Variants in CIT observed in about 807,000 individuals in gnomAD.
CIT encodes the protein citron Rho-interacting kinase.
CIT carries 79 observed loss-of-function variants against 272.7 expected under a neutral mutation model. The observed-to-expected ratio is 0.29, with a 90% CI of 0.24 to 0.35. The LOEUF is 0.35. Ranked by LOEUF, CIT falls within the 10% of genes least tolerant of loss-of-function variation. CIT has a pLI of 1.00. For missense variants in CIT, 1,909 were observed against 2,618.3 expected (o/e 0.73, Z 5.91); for synonymous variants, 948 against 995.6 (o/e 0.95, Z 0.90).
chr12:119,754,713 T>C (rs543583083), intron 22 of CIT, among the ~76,000 whole-genome samples: 2 of 152,326 alleles, frequency 1.3e-5, no homozygotes, highest in South Asian at 4.1e-4. Context: ...CTGATCTGGT[T>C]ATATTTAGAG....
At chr12:119,739,457 G>A (rs568099492) in intron 24 of CIT, among the ~76,000 whole-genome samples, 28 of 152,104 alleles carry the variant, frequency 1.8e-4, no homozygotes, top group Non-Finnish European at 2.5e-4. Flanking sequence ...ATTTCCTAGC[G>A]GAGACAATCT....
At chr12:119,698,209 T>A in intron 44 of CIT, 155 bp from the exon 45 acceptor site, 1 of 676,362 alleles carries the variant, frequency 1.5e-6, no homozygotes, top group South Asian at 1.7e-5. Flanking sequence ...GTCATGCATG[T>A]TCGAGGATAT....
chr12:119,794,296 G>A lies in CIT; in HGVS notation c.1295+8910C>T, dbSNP rs147602670. Among the ~76,000 whole-genome samples, 531 of 152,240 alleles carry A rather than the reference G, an allele frequency of 3.5e-3. 4 individuals are homozygous for A. Among genetic ancestry groups the A allele is most frequent in the African/African-American group, 0.012 (495 of 41,520 alleles). On this transcript the variant is annotated intron_variant, in intron 10 of 47. Transcript: ENST00000392521. The stretch of plus-strand genomic sequence containing the variant: ...TGAATGAATGAATGAATGAATGAAT[G>A]AATAAATAAGTGAATGGTGTGCTAG...
chr12:119,788,749 C>G (rs536346315), intron 10 of CIT, among the ~76,000 whole-genome samples: 1 of 152,162 alleles, frequency 6.6e-6, no homozygotes, highest in Non-Finnish European at 1.5e-5. Flanking sequence ...CGCCGGCACT[C>G]GAAAGAGACC....
At chr12:119,800,989 C>T (rs1314820721) in intron 10 of CIT, among the ~76,000 whole-genome samples, 1 of 152,216 alleles carries the variant, frequency 6.6e-6, no homozygotes, top group African/African-American at 2.4e-5. Flanking sequence ...TAACACATAA[C>T]AAGACGCAAG....
Position 119,706,533 on chromosome 12 carries a change from G to A in CIT, c.5211+1646C>T, listed in dbSNP as rs142681732. Among the ~76,000 whole-genome samples the A allele has an allele frequency of 9.9e-5, 15 of 152,108 alleles. No individual in the cohort carries two copies. In the East Asian group the frequency reaches 2.9e-3, roughly 29 times the overall value. ...AGCTCCCACTTATAAGTGAAAACAT[G>A]TGGTATTTGTTTTTCTGTTCCTGCA... On this transcript the variant is annotated intron_variant, in intron 40 of 47. Transcript: ENST00000392521.
intron 9 of CIT, among the ~76,000 whole-genome samples, chr12:119,808,913 TGAAGA>T (rs1160331173): frequency 6.6e-6 from 1 of 152,098 alleles, no homozygotes; most frequent in Non-Finnish European, 1.5e-5. Flanking sequence ...GTGAAATAAA[TGAAGA>T]GGAGAATATG....
At chr12:119,708,784 G>A (rs553012208) in intron 39 of CIT, among the ~76,000 whole-genome samples, 10 of 152,242 alleles carry the variant, frequency 6.6e-5, no homozygotes, top group African/African-American at 1.7e-4. Flanking sequence ...CACCACGCCC[G>A]GCCCAAGTCC....
In CIT at chr12:119,690,443, T is replaced by C; in HGVS notation, c.5894A>G (p.Lys1965Arg). 6.3e-7 allele frequency: 1 copy of C among 1,588,838 alleles called. No individual in the cohort carries two copies. ...GPSTSRSSPN[K>R]RGPPTYNEHI... Reference sequence around the variant, plus strand: ...CTCGTTGTACGTGGGTGGGCCTCGCTTGTTGGGGCTGCTGGCGACACAAGA... The same window carrying C: ...CTCGTTGTACGTGGGTGGGCCTCGCCTGTTGGGGCTGCTGGCGACACAAGA... The change falls in exon 47 of 48, where the codon AAG (lysine) becomes AGG (arginine). Residue 1965 changes from lysine (K) to arginine (R), a missense_variant. This residue lies in a region of CIT where 780 missense variants were observed against 1,067.2 expected (regional missense o/e 0.73). Coordinates refer to ENST00000392521, the MANE Select transcript of CIT (RefSeq NM_001206999.2). This position sits in a 1 kb window ranked among gnomAD's most constrained non-coding sequence, Gnocchi z 6.0.
intron 12 of CIT, chr12:119,783,281 C>G (rs1007244165): frequency 6.6e-6 from 1 of 152,200 alleles, no homozygotes; most frequent in African/African-American, 2.4e-5. Flanking sequence ...TTTCCTCTCC[C>G]TTGTGAAAAA....
chr12:119,865,016 T>C (rs1950475796), intron 3 of CIT, among the ~76,000 whole-genome samples: 1 of 152,026 alleles, frequency 6.6e-6, no homozygotes, highest in African/African-American at 2.4e-5. Flanking sequence ...GAGGGACCCT[T>C]CTCCACGTAG....
intron 5 of CIT, among the ~76,000 whole-genome samples, chr12:119,839,238 T>C (rs1969232811): frequency 1.3e-5 from 2 of 152,344 alleles, no homozygotes; most frequent in South Asian, 4.1e-4. Context: ...TGTGCACACG[T>C]GCACACACAC....
intron 24 of CIT, among the ~76,000 whole-genome samples, chr12:119,735,787 T>A (rs1439587876): frequency 6.6e-6 from 1 of 152,196 alleles, no homozygotes; most frequent in African/African-American, 2.4e-5. Flanking sequence ...GGCCATAGTC[T>A]TAGAAAGCAA....
At chr12:119,708,460 C>T in intron 39 of CIT, 142 bp from the exon 40 acceptor site, 2 of 766,792 alleles carry the variant, frequency 2.6e-6, no homozygotes, top group Middle Eastern at 2.7e-4. Flanking sequence ...CATATAAACA[C>T]ATTTTAGGTC....
intron 10 of CIT, among the ~76,000 whole-genome samples, chr12:119,790,491 T>C (rs1457767954): frequency 6.6e-6 from 1 of 152,134 alleles, no homozygotes; most frequent in Non-Finnish European, 1.5e-5. Context: ...TTCATTAAAA[T>C]GCCTTCCAAA....
intron 9 of CIT, among the ~76,000 whole-genome samples, chr12:119,821,448 G>A (rs976433811): frequency 2.0e-4 from 30 of 152,158 alleles, no homozygotes; most frequent in African/African-American, 7.2e-4. Context: ...AGGTAGATGG[G>A]TTTCAGTACT....
At chr12:119,720,382 T>C (rs1385692077) in intron 30 of CIT, 96 bp downstream of exon 30, 1 of 830,496 alleles carries the variant, frequency 1.2e-6, no homozygotes, top group Non-Finnish European at 1.9e-6. Context: ...TTTGTTTTCT[T>C]CTATGTTCCT....
chr12:119,842,499 T>C (rs1038176348), intron 5 of CIT, among the ~76,000 whole-genome samples: 10 of 152,058 alleles, frequency 6.6e-5, no homozygotes, highest in African/African-American at 2.4e-4. Flanking sequence ...GCATCTGTTA[T>C]GCAGAATTGA....
intron 10 of CIT, among the ~76,000 whole-genome samples, chr12:119,795,553 A>G (rs187006153): frequency 2.0e-5 from 3 of 152,316 alleles, no homozygotes; most frequent in African/African-American, 7.2e-5. Context: ...TCAGGCACTC[A>G]GAATAGTACC....
Sources: gnomAD v4.1 joint callset for allele counts (sites outside exome capture counted in the v4.1 genomes callset) on GRCh38, gnomAD v4.1.1 for gene constraint, gnomAD v4.1.1 regional missense constraint, Gnocchi (gnomAD v3.1) non-coding constraint, MANE v1.5 for transcripts, NCBI Gene and HGNC (gene_info 2026-07-23, HGNC 2026-07-21) for gene names.